DNMBP: variants seen among roughly 807,000 people sequenced by gnomAD.
DNMBP encodes dynamin-binding protein.
A neutral mutation model predicts 150.0 loss-of-function variants in DNMBP; 87 were observed. The observed-to-expected ratio is 0.58, with a 90% CI of 0.49 to 0.69. The LOEUF is 0.69. DNMBP is among the 30% of genes least tolerant of loss of function. DNMBP has a pLI of 0.00. For missense variants in DNMBP, 1,774 were observed against 1,949.0 expected (o/e 0.91, Z 1.69); for synonymous variants, 711 against 750.4 (o/e 0.95, Z 0.86).
rs753342075 is a variant in DNMBP, at chr10:99,955,604, G to A, written c.1870C>T (p.His624Tyr). The A allele has an allele frequency of 9.3e-6, 15 of 1,613,730 alleles. No homozygotes were observed. The highest frequency in any genetic ancestry group is 1.3e-5 in the Non-Finnish European group (15 of 1,179,796). Residue 624 changes from histidine to tyrosine, a missense_variant, in exon 4 of 17, where the codon CAT becomes TAT. This residue lies in a region of DNMBP where 1,430 missense variants were observed against 1,492.5 expected (regional missense o/e 0.96). Transcript: ENST00000324109. ...TTTAGGTTCTGGTCAACCAGCAAATGGGGAGAAGTGGATACCGGAGTACAG... is the reference window on the plus strand; with the variant it reads ...TTTAGGTTCTGGTCAACCAGCAAATAGGGAGAAGTGGATACCGGAGTACAG... ...RPCTPVSTSP[H>Y]LLVDQNLKPA...
rs534108122 is a variant in DNMBP, at chr10:99,995,330, T to A, written c.-11+14508A>T. ...TCCTGAACTGCTGGGATTACAGGCA[T>A]GATCACGGCACCTGGCAAAAACAGA... is the stretch of plus-strand genomic sequence containing the variant. On this transcript the variant is annotated intron_variant, in intron 1 of 16. Transcript: ENST00000324109. 8.5e-3 allele frequency among the ~76,000 whole-genome samples: 1,287 copies of A among 152,304 alleles called. 18 individuals carry two copies. Among genetic ancestry groups the A allele is most frequent in the Middle Eastern group, 0.044 (13 of 294 alleles).
At chr10:100,003,659 A>C (rs1158668732) in intron 1 of DNMBP, among the ~76,000 whole-genome samples, 1 of 152,140 alleles carries the variant, frequency 6.6e-6, no homozygotes, top group Non-Finnish European at 1.5e-5. Flanking sequence ...GCCAGGGCCC[A>C]GCCAGGGCAA....
chr10:99,891,912 G>A (rs1279028218), intron 11 of DNMBP, among the ~76,000 whole-genome samples: 4 of 142,756 alleles, frequency 2.8e-5, no homozygotes, highest in African/African-American at 5.6e-5. Context: ...GTCCGGGAGG[G>A]AGGTGGGGGG....
At position 99,954,408 on chromosome 10, in the gene DNMBP, G is replaced by C. The variant is rs1665369375; in HGVS notation, c.2260+806C>G. 2.0e-5 allele frequency among the ~76,000 whole-genome samples: 3 copies of C among 151,938 alleles called. No individual in the cohort carries two copies. In the South Asian group the frequency reaches 6.2e-4, roughly 32 times the overall value. On this transcript the variant is annotated intron_variant, in intron 4 of 16. Transcript: ENST00000324109. ...ACAGCAGTCATAGGCTCAAAACAGAGTCAGAGGCTCAAGACAGCCTATCTA... is the reference window on the plus strand; with the variant it reads ...ACAGCAGTCATAGGCTCAAAACAGACTCAGAGGCTCAAGACAGCCTATCTA...
In DNMBP at chr10:99,884,151, G is replaced by C. The variant is rs1320502422; in HGVS notation, c.3857C>G (p.Pro1286Arg). The C allele has an allele frequency of 1.2e-6, 2 of 1,613,978 alleles. No individual in the cohort carries two copies. The highest frequency in any genetic ancestry group is 2.2e-5 in the East Asian group (1 of 44,902). Residue 1286 changes from proline to arginine, a missense_variant, in exon 15 of 17, where the codon CCT (proline) becomes CGT (arginine). Around this residue, in one of 2 missense-constraint regions of DNMBP, gnomAD observed 1,430 missense variants for 1,492.5 expected, o/e 0.96. Transcript: ENST00000324109. ...CCGTTCTGCCTGGAAGAGTTTTTCA[G>C]GGGGATACCTGGCCAGGAGGGAGGC... ...LRASLLARYP[P>R]EKLFQAERNF...
In DNMBP at chr10:99,879,791, C is replaced by T; in HGVS notation, c.4548+20G>A. 1 of 1,610,554 alleles carries T rather than the reference C, an allele frequency of 6.2e-7. No homozygotes were observed. Among genetic ancestry groups the T allele is most frequent in the Middle Eastern group, 1.7e-4 (1 of 5,916 alleles). The stretch of plus-strand genomic sequence containing the variant: ...TCTGCTGCCGCCTGTGCCACAGTGG[C>T]AGGCCTCTTACGCACTCACCTGGTT... On this transcript the variant is annotated intron_variant, in intron 16 of 16. Transcript: ENST00000324109.
At chr10:99,926,066 T>C (rs1324576349) in intron 4 of DNMBP, among the ~76,000 whole-genome samples, 1 of 152,184 alleles carries the variant, frequency 6.6e-6, no homozygotes, top group Non-Finnish European at 1.5e-5. Context: ...CTGTAAGAGC[T>C]CTTCATTTAG....
At chr10:99,965,457 G>C (rs1052150239) in intron 3 of DNMBP, among the ~76,000 whole-genome samples, 1 of 151,122 alleles carries the variant, frequency 6.6e-6, no homozygotes, top group Admixed American at 6.6e-5. Flanking sequence ...AAAAAGGCAC[G>C]TGGTAAAACA....
At chr10:99,932,537 G>A (rs1405155564) in intron 4 of DNMBP, among the ~76,000 whole-genome samples, 2 of 151,730 alleles carry the variant, frequency 1.3e-5, no homozygotes, top group African/African-American at 4.8e-5. Flanking sequence ...ACGTGGTCAG[G>A]CTGCATAAAG....
chr10:99,900,365 G>A (rs1343246397), intron 6 of DNMBP, among the ~76,000 whole-genome samples: 2 of 151,746 alleles, frequency 1.3e-5, no homozygotes, highest in East Asian at 3.9e-4. Context: ...CTGCAGACTC[G>A]ACCTCCCAGA....
At chr10:99,915,045 GAT>G in intron 4 of DNMBP, among the ~76,000 whole-genome samples, 1 of 143,148 alleles carries the variant, frequency 7.0e-6, no homozygotes, top group East Asian at 2.0e-4. Flanking sequence ...AGTGAGCCGA[GAT>G]CGTACCATTG....
At chr10:99,946,261 G>A (rs2133313379) in intron 4 of DNMBP, among the ~76,000 whole-genome samples, 1 of 152,288 alleles carries the variant, frequency 6.6e-6, no homozygotes, top group South Asian at 2.1e-4. Context: ...CCCAGCTCCA[G>A]AAATGCTTTT....
Position 99,914,471 on chromosome 10 carries a change from T to C in DNMBP, c.2261-5325A>G, listed in dbSNP as rs76111636. Among the ~76,000 whole-genome samples, 1,332 of 152,156 alleles carry C rather than the reference T, an allele frequency of 8.8e-3. 20 individuals are homozygous for C. The highest frequency in any genetic ancestry group is 0.031 in the African/African-American group (1,281 of 41,500). On this transcript the variant is annotated intron_variant, in intron 4 of 16. Coordinates refer to ENST00000324109, the MANE Select transcript of DNMBP (RefSeq NM_015221.4). Reference sequence around the variant, plus strand: ...TGTTTAGTCTGCTCCTGAGCCTCTTTATGCAGTCTTTCACCCACAGCTTAG... The same window carrying C: ...TGTTTAGTCTGCTCCTGAGCCTCTTCATGCAGTCTTTCACCCACAGCTTAG...
chr10:99,902,913 C>A (rs1489286786), intron 6 of DNMBP, among the ~76,000 whole-genome samples: 1 of 147,526 alleles, frequency 6.8e-6, no homozygotes, highest in Non-Finnish European at 1.5e-5. Context: ...GGGCAGAGAG[C>A]AAGATTCTGT....
chr10:99,973,697 G>C (rs1213638311), intron 1 of DNMBP, among the ~76,000 whole-genome samples: 1 of 152,136 alleles, frequency 6.6e-6, no homozygotes, highest in Non-Finnish European at 1.5e-5. Context: ...AAACCTGTTG[G>C]GGACTGGCGC....
In DNMBP at chr10:99,880,072, ACTC is replaced by A. The variant is rs1476697271; in HGVS notation, c.4284_4286del (p.Glu1428_Ser1429delinsAsp). On this transcript the variant is annotated inframe_deletion, in exon 16 of 17. Coordinates refer to ENST00000324109, the MANE Select transcript of DNMBP (RefSeq NM_015221.4). Reference sequence around the variant, plus strand: ...GGTCTGAAGGGCATCTGGAAGGACTACTCTCTGAATTACTCGGATTTAGGGATG... The same window carrying A: ...GGTCTGAAGGGCATCTGGAAGGACTATCTGAATTACTCGGATTTAGGGATG... 8 of 1,613,546 alleles carry A rather than the reference ACTC, an allele frequency of 5.0e-6. No individual in the cohort carries two copies. The highest frequency in any genetic ancestry group is 6.8e-6 in the Non-Finnish European group (8 of 1,179,902).
chr10:99,966,639 C>CTA (rs1442007839), intron 3 of DNMBP, among the ~76,000 whole-genome samples: 3 of 152,178 alleles, frequency 2.0e-5, no homozygotes, highest in Non-Finnish European at 4.4e-5. Flanking sequence ...AAGGTCCCTG[C>CTA]TATAATCTCT....
intron 1 of DNMBP, among the ~76,000 whole-genome samples, chr10:100,001,045 C>A (rs953565805): frequency 6.7e-6 from 1 of 150,328 alleles, no homozygotes; most frequent in Non-Finnish European, 1.5e-5. Flanking sequence ...GCCTGGCCAA[C>A]ATGGGGAAAC....
chr10:99,912,849 G>A (rs1277068571), intron 4 of DNMBP, among the ~76,000 whole-genome samples: 1 of 152,154 alleles, frequency 6.6e-6, no homozygotes, highest in Non-Finnish European at 1.5e-5. Context: ...TGAAGACACA[G>A]GTGACCTTCA....
Sources: allele counts gnomAD v4.1 joint callset (sites outside exome capture counted in the v4.1 genomes callset), GRCh38; gene constraint gnomAD v4.1.1; regional missense constraint gnomAD v4.1.1; transcripts MANE v1.5; gene names NCBI Gene and HGNC (gene_info 2026-07-23, HGNC 2026-07-21).